The following DIO1 variants were observed in gnomAD, a reference collection of about 807,000 sequenced individuals.
DIO1 encodes the protein iodothyronine deiodinase 1, also known as type I iodothyronine deiodinase.
In DIO1, 17 loss-of-function variants were observed where a neutral mutation model predicts 25.9. That is an observed-to-expected ratio of 0.66 (90% confidence interval 0.45 to 0.98). DIO1 has a LOEUF of 0.98. DIO1 is among the 50% of genes least tolerant of loss of function. DIO1 has a pLI of 0.00. For missense variants in DIO1, 270 were observed against 310.4 expected (o/e 0.87, Z 0.98); for synonymous variants, 115 against 114.0 (o/e 1.01, Z -0.05).
chr1:53,909,214 G>A (rs899952122), intron 3 of DIO1, among the ~76,000 whole-genome samples: 7 of 151,194 alleles, frequency 4.6e-5, no homozygotes, highest in African/African-American at 7.3e-5. Flanking sequence ...CCAGGAGTTC[G>A]AGACCAGCCT....
chr1:53,900,064 A>G (rs1325512724), intron 1 of DIO1, among the ~76,000 whole-genome samples: 1 of 152,234 alleles, frequency 6.6e-6, no homozygotes, highest in Non-Finnish European at 1.5e-5. Context: ...ATGCCTCCTC[A>G]GGCCTTTTAA....
At chr1:53,904,903 G>A (rs1278062058) in intron 2 of DIO1, 94 bp downstream of exon 2, 1 of 1,386,108 alleles carries the variant, frequency 7.2e-7, no homozygotes, top group Non-Finnish European at 9.8e-7. Context: ...GAGGTGGAAG[G>A]AGGAAGAGGA....
intron 2 of DIO1, among the ~76,000 whole-genome samples, chr1:53,905,735 G>C (rs1465963345): frequency 1.3e-5 from 2 of 152,218 alleles, no homozygotes; most frequent in Non-Finnish European, 2.9e-5. Context: ...CTAGGCGCCA[G>C]CAGTCTTGGC....
At position 53,906,072 on chromosome 1, in the gene DIO1, G is replaced by A. The variant is rs116474429; in HGVS notation, c.482-23G>A. The A allele has an allele frequency of 1.4e-3, 2,291 of 1,612,560 alleles. 32 individuals carry two copies. In the African/African-American group the frequency reaches 0.027, roughly 19 times the overall value. ...AGTGTGTGCTGTGTCAATGGGACTC[G>A]GTGCCTGGCCTTTCTCTTGTAGATG... On this transcript the variant is annotated intron_variant, in intron 2 of 3. Transcript: ENST00000361921.
chr1:53,908,748 T>G (rs899059702), intron 3 of DIO1, among the ~76,000 whole-genome samples: 2 of 152,050 alleles, frequency 1.3e-5, no homozygotes, highest in African/African-American at 4.8e-5. Flanking sequence ...GTCTTCATCT[T>G]AGGGCAAAGG....
intron 3 of DIO1, among the ~76,000 whole-genome samples, chr1:53,908,265 A>G (rs1651762766): frequency 6.6e-6 from 1 of 152,134 alleles, no homozygotes; most frequent in South Asian, 2.1e-4. Flanking sequence ...CCCTTACTTC[A>G]AGGTACTCAC....
intron 1 of DIO1, among the ~76,000 whole-genome samples, chr1:53,901,851 A>AT (rs1651384900): frequency 6.6e-6 from 1 of 151,866 alleles, no homozygotes. Context: ...GCACCTGTGA[A>AT]TAGCCACTGC....
At chr1:53,895,461 T>A (rs1303496737) in intron 1 of DIO1, among the ~76,000 whole-genome samples, 2 of 152,168 alleles carry the variant, frequency 1.3e-5, no homozygotes, top group African/African-American at 4.8e-5. Flanking sequence ...TCTAACTCCA[T>A]CCACTCCCCA....
Position 53,910,489 on chromosome 1 carries a change from C to A in DIO1, c.*490C>A. On this transcript the variant is annotated 3_prime_UTR_variant, in exon 4 of 4. Coordinates refer to ENST00000361921, the MANE Select transcript of DIO1 (RefSeq NM_000792.7). ...TAAGACACTAAATTAGTTTTTAGAA[C>A]CAATTATGGGAAGAATTCCAGTTGT... 6.3e-6 allele frequency: 1 copy of A among 157,692 alleles called. No individual in the cohort carries two copies. The highest frequency in any genetic ancestry group is 6.0e-5 in the Admixed American group (1 of 16,652). 9.8% of individuals were successfully genotyped at this position (157,692 alleles called of 1,614,324 possible).
chr1:53,910,753 CAG>C lies in DIO1; in HGVS notation c.*757_*758del, dbSNP rs1267147061. On this transcript the variant is annotated 3_prime_UTR_variant, in exon 4 of 4. Transcript: ENST00000361921. ...ATCTTCCACTAGCCTCACTTTTCAACAGAGTCATCTAGAAGGGAGGGTTGGCT... is the reference window on the plus strand; with the variant it reads ...ATCTTCCACTAGCCTCACTTTTCAACAGTCATCTAGAAGGGAGGGTTGGCT... 2.0e-5 allele frequency: 3 copies of C among 152,416 alleles called. No individual in the cohort carries two copies. Among genetic ancestry groups the C allele is most frequent in the East Asian group, 3.9e-4 (2 of 5,182 alleles). The allele number at this position is 152,416 out of a possible 1,614,324, so 9.4% of individuals were successfully genotyped here.
At chr1:53,904,343 C>G (rs1651530716) in intron 1 of DIO1, among the ~76,000 whole-genome samples, 1 of 152,156 alleles carries the variant, frequency 6.6e-6, no homozygotes, top group Admixed American at 6.5e-5. Context: ...TATTACTAAT[C>G]CCATCGCATG....
intron 2 of DIO1, among the ~76,000 whole-genome samples, chr1:53,905,536 C>T (rs1054733969): frequency 3.3e-5 from 5 of 152,172 alleles, no homozygotes; most frequent in African/African-American, 1.2e-4. Flanking sequence ...AGTACTTAAA[C>T]TCAGTATGAA....
Position 53,894,354 on chromosome 1 carries a change from G to A in DIO1, c.144G>A (p.Thr48=), listed in dbSNP as rs780327542. 2.5e-6 allele frequency: 4 copies of A among 1,614,220 alleles called. No individual in the cohort carries two copies. Among genetic ancestry groups the A allele is most frequent in the South Asian group, 2.2e-5 (2 of 91,084 alleles). ...ACATCCTGGCCATGGGCGAGAAGAC[G>A]GGTATGACCAGGAACCCCCATTTCA... ...KRNILAMGEK[T]GMTRNPHFSH... Residue 48 remains threonine, a synonymous_variant, in exon 1 of 4, where the codon ACG becomes ACA. Coordinates refer to ENST00000361921, the MANE Select transcript of DIO1 (RefSeq NM_000792.7). The surrounding 1 kb of genome is among the most constrained non-coding windows in gnomAD (Gnocchi z 4.9).
chr1:53,900,339 C>T (rs984959973), intron 1 of DIO1, among the ~76,000 whole-genome samples: 6 of 152,200 alleles, frequency 3.9e-5, no homozygotes, highest in Non-Finnish European at 1.5e-5. Flanking sequence ...CGCAGTGGCT[C>T]ACGCCTGTAA....
rs1171501412 is a variant in DIO1, at chr1:53,906,266, T to A, written c.653T>A (p.Ile218Lys). 6.2e-7 allele frequency: 1 copy of A among 1,613,508 alleles called. No homozygotes were observed. Among genetic ancestry groups the A allele is most frequent in the African/African-American group, 1.3e-5 (1 of 74,912 alleles). ...LYAALPERLY[I>K]IQEGRILYKG... ...GCAGCACTGCCTGAGAGGCTCTACA[T>A]AATCCAGGAGGGCAGGATCCTCTAC... is the stretch of plus-strand genomic sequence containing the variant. Residue 218 changes from isoleucine to lysine, a missense_variant, in exon 3 of 4, where the codon ATA becomes AAA. By Grantham distance (102) the Ile-to-Lys change is moderately radical (BLOSUM62 -3). Coordinates refer to ENST00000361921, the MANE Select transcript of DIO1 (RefSeq NM_000792.7).
intron 3 of DIO1, among the ~76,000 whole-genome samples, chr1:53,906,751 G>A (rs1054773451): frequency 6.6e-6 from 1 of 151,992 alleles, no homozygotes; most frequent in Non-Finnish European, 1.5e-5. Flanking sequence ...CCACCTCCCG[G>A]GTTCAAGCAA....
intron 1 of DIO1, 109 bp from the exon 2 acceptor site, chr1:53,904,557 G>A: frequency 7.2e-7 from 1 of 1,383,388 alleles, no homozygotes; most frequent in East Asian, 2.4e-5. Flanking sequence ...CCTGGGGTGG[G>A]GGGTAGGGGG....
Position 53,906,312 on chromosome 1 carries a change from GGGGGCCCAGGGAGGGCAAA to G in DIO1, c.681+37_681+55del, listed in dbSNP as rs765259223. ...TCTACAAGGTGGTGACCTGGGGACA[GGGGGCCCAGGGAGGGCAAA>G]GGGGCCCAGGGAGGGCAAGGGCAAA... On this transcript the variant is annotated intron_variant, in intron 3 of 3. Coordinates refer to ENST00000361921, the MANE Select transcript of DIO1 (RefSeq NM_000792.7). 4.8e-5 allele frequency: 77 copies of G among 1,596,036 alleles called. No individual in the cohort carries two copies. The highest frequency in any genetic ancestry group is 3.9e-4 in the Middle Eastern group (2 of 5,138).
At chr1:53,900,429 C>A (rs1402344491) in intron 1 of DIO1, among the ~76,000 whole-genome samples, 2 of 152,100 alleles carry the variant, frequency 1.3e-5, no homozygotes, top group African/African-American at 4.8e-5. Context: ...CATGGAGAAA[C>A]CCTGTCTCTA....
Sources: allele counts gnomAD v4.1 joint callset (sites outside exome capture counted in the v4.1 genomes callset), GRCh38; gene constraint gnomAD v4.1.1; non-coding constraint Gnocchi (gnomAD v3.1); transcripts MANE v1.5; gene names NCBI Gene and HGNC (gene_info 2026-07-23, HGNC 2026-07-21).